Variants in ATRNL1 observed in about 807,000 individuals in gnomAD.
The protein encoded by ATRNL1 is attractin like 1.
ATRNL1 carries 95 observed loss-of-function variants against 182.7 expected under a neutral mutation model. The ratio of observed to expected loss-of-function variants is 0.52; its 90% CI spans 0.44 to 0.62. ATRNL1 has a LOEUF of 0.62. Ranked by LOEUF, ATRNL1 falls within the 20% of genes least tolerant of loss-of-function variation. ATRNL1 has a pLI of 0.00. For missense variants in ATRNL1, 1,471 were observed against 1,679.5 expected (o/e 0.88, Z 2.17); for synonymous variants, 576 against 568.3 (o/e 1.01, Z -0.19).
At chr10:115,393,137 G>A (rs1309224556) in intron 19 of ATRNL1, among the ~76,000 whole-genome samples, 1 of 152,020 alleles carries the variant, frequency 6.6e-6, no homozygotes, top group Non-Finnish European at 1.5e-5. Context: ...ACACTGAAAT[G>A]GGCTTTTCTG....
intron 15 of ATRNL1, among the ~76,000 whole-genome samples, chr10:115,296,439 A>G (rs561536509): frequency 1.1e-4 from 17 of 152,278 alleles, no homozygotes; most frequent in African/African-American, 4.1e-4. Flanking sequence ...AAATTTTTGT[A>G]TGGACACTCA....
intron 10 of ATRNL1, among the ~76,000 whole-genome samples, chr10:115,246,479 A>T (rs868923088): frequency 6.6e-6 from 1 of 152,068 alleles, no homozygotes; most frequent in Non-Finnish European, 1.5e-5. Context: ...GAATAAGTTG[A>T]TTGGAAAATA....
chr10:115,871,095 A>G (rs568725633), intron 28 of ATRNL1, among the ~76,000 whole-genome samples: 34 of 152,240 alleles, frequency 2.2e-4, no homozygotes, highest in African/African-American at 7.7e-4. Context: ...TCCCAATAAT[A>G]TTTCGGTTCT....
At chr10:115,727,189 G>A (rs1947625333) in intron 26 of ATRNL1, 59 bp from the exon 27 acceptor site, 2 of 1,226,924 alleles carry the variant, frequency 1.6e-6, no homozygotes, top group African/African-American at 1.5e-5. Flanking sequence ...ACCAGATATT[G>A]TTGAATTTCA....
chr10:115,436,009 T>G (rs1377126855), intron 21 of ATRNL1, among the ~76,000 whole-genome samples: 2 of 152,166 alleles, frequency 1.3e-5, no homozygotes, highest in African/African-American at 4.8e-5. Context: ...TGAGCAAGCA[T>G]TTTTATTGTT....
At chr10:115,812,183 C>T (rs192850961) in intron 27 of ATRNL1, among the ~76,000 whole-genome samples, 14 of 152,056 alleles carry the variant, frequency 9.2e-5, no homozygotes, top group East Asian at 3.9e-4. Flanking sequence ...AAATAGGTTT[C>T]GTATGGGCAA....
At chr10:115,679,072 G>T (rs1447818864) in intron 26 of ATRNL1, among the ~76,000 whole-genome samples, 1 of 152,104 alleles carries the variant, frequency 6.6e-6, no homozygotes, top group African/African-American at 2.4e-5. Flanking sequence ...GAAGGATCCT[G>T]ATGCCTGGGA....
chr10:115,186,985 A>C (rs1200575994), intron 8 of ATRNL1, among the ~76,000 whole-genome samples: 1 of 152,088 alleles, frequency 6.6e-6, no homozygotes, highest in Non-Finnish European at 1.5e-5. Flanking sequence ...GCAAAACATA[A>C]AAATGGCCAA....
At chr10:115,805,976 T>A (rs1949911880) in intron 27 of ATRNL1, among the ~76,000 whole-genome samples, 1 of 152,154 alleles carries the variant, frequency 6.6e-6, no homozygotes, top group African/African-American at 2.4e-5. Context: ...AGTTTTATAG[T>A]ACAGTATTTT....
At chr10:115,867,205 C>A (rs1398793490) in intron 28 of ATRNL1, among the ~76,000 whole-genome samples, 8 of 152,104 alleles carry the variant, frequency 5.3e-5, no homozygotes, top group African/African-American at 1.9e-4. Flanking sequence ...GTAAGAATTA[C>A]CTAGAAATTT....
chr10:115,707,672 A>T (rs990561012), intron 26 of ATRNL1, among the ~76,000 whole-genome samples: 1 of 151,790 alleles, frequency 6.6e-6, no homozygotes, highest in South Asian at 2.1e-4. Flanking sequence ...TTCCAATGTT[A>T]TTAAGATTCC....
At chr10:115,488,988 T>C (rs1554975812) in intron 24 of ATRNL1, among the ~76,000 whole-genome samples, 3 of 152,198 alleles carry the variant, frequency 2.0e-5, no homozygotes, top group Non-Finnish European at 4.4e-5. Flanking sequence ...ATTTACCCAG[T>C]AGTCATTCAG....
At chr10:115,737,906 GGTTCC>G (rs1948005777) in intron 27 of ATRNL1, among the ~76,000 whole-genome samples, 1 of 151,848 alleles carries the variant, frequency 6.6e-6, no homozygotes. Context: ...TCTTGATGCT[GGTTCC>G]TATGCACTTG....
Position 115,826,971 on chromosome 10 carries a change from T to C in ATRNL1, c.3904-20906T>C, listed in dbSNP as rs1323754847. Among the ~76,000 whole-genome samples the C allele has an allele frequency of 3.3e-5, 5 of 152,164 alleles. No individual in the cohort carries two copies. In the East Asian group the frequency reaches 9.7e-4, roughly 29 times the overall value. ...TAGGTCAAGTTTCACCAGGGACCCA[T>C]CCCTGTCTGCCTAGAAATCTGTCTC... is the stretch of plus-strand genomic sequence containing the variant. On this transcript the variant is annotated intron_variant, in intron 27 of 28. Coordinates refer to ENST00000355044, the MANE Select transcript of ATRNL1 (RefSeq NM_207303.4).
At chr10:115,683,705 A>C (rs1040753003) in intron 26 of ATRNL1, among the ~76,000 whole-genome samples, 13 of 151,834 alleles carry the variant, frequency 8.6e-5, no homozygotes, top group Admixed American at 8.6e-4. Flanking sequence ...TTACCTCCAA[A>C]ACCCAGAGAG....
intron 10 of ATRNL1, among the ~76,000 whole-genome samples, chr10:115,249,115 G>A (rs996311711): frequency 6.6e-6 from 1 of 151,982 alleles, no homozygotes; most frequent in Non-Finnish European, 1.5e-5. Flanking sequence ...CCAAGTAGCT[G>A]AGATTACAGG....
chr10:115,519,345 A>G (rs373984788), intron 25 of ATRNL1, 21 bp downstream of exon 25: 32 of 1,597,484 alleles, frequency 2.0e-5, no homozygotes, highest in Non-Finnish European at 2.6e-6. Context: ...GCTTTGACTG[A>G]CTTTGAACTT....
intron 28 of ATRNL1, among the ~76,000 whole-genome samples, chr10:115,919,818 AT>A (rs1319670205): frequency 6.6e-6 from 1 of 152,010 alleles, no homozygotes; most frequent in Non-Finnish European, 1.5e-5. Context: ...TGATTCATGG[AT>A]ACTGTCTTCT....
intron 5 of ATRNL1, among the ~76,000 whole-genome samples, chr10:115,149,952 C>T (rs1283641622): frequency 4.6e-5 from 7 of 150,874 alleles, no homozygotes; most frequent in Admixed American, 1.3e-4. Context: ...GGACTTTGGC[C>T]GTGAAGCCGT....
Sources: allele counts gnomAD v4.1 joint callset (sites outside exome capture counted in the v4.1 genomes callset), GRCh38; gene constraint gnomAD v4.1.1; transcripts MANE v1.5; gene names NCBI Gene and HGNC (gene_info 2026-07-23, HGNC 2026-07-21).